The following CIPC variants were observed in gnomAD, a reference collection of about 807,000 sequenced individuals.
The protein encoded by CIPC is CLOCK interacting pacemaker, also known as CLOCK-interacting pacemaker.
A neutral mutation model predicts 26.7 loss-of-function variants in CIPC; 12 were observed. The observed-to-expected ratio is 0.45, with a 90% CI of 0.29 to 0.73. CIPC has a LOEUF of 0.73. CIPC is among the 30% of genes least tolerant of loss of function. The probability of loss-of-function intolerance (pLI) is 0.12; values close to 1 mark genes in which losing one functional copy is unlikely to be tolerated. For missense variants in CIPC, 417 were observed against 486.5 expected (o/e 0.86, Z 1.34); for synonymous variants, 170 against 189.8 (o/e 0.90, Z 0.86).
intron 1 of CIPC, among the ~76,000 whole-genome samples, chr14:77,103,534 C>T (rs1353258939): frequency 6.6e-6 from 1 of 152,208 alleles, no homozygotes; most frequent in African/African-American, 2.4e-5. Context: ...CTCCTTATGC[C>T]AGTGGTATTC....
At chr14:77,100,182 T>C (rs1214354832) in intron 1 of CIPC, among the ~76,000 whole-genome samples, 1 of 152,190 alleles carries the variant, frequency 6.6e-6, no homozygotes, top group Admixed American at 6.5e-5. Flanking sequence ...CTTGCTAGGA[T>C]TTTGAATTTT....
intron 3 of CIPC, among the ~76,000 whole-genome samples, chr14:77,112,569 G>T (rs1886725465): frequency 6.6e-6 from 1 of 152,112 alleles, no homozygotes; most frequent in South Asian, 2.1e-4. Flanking sequence ...TACACATAGT[G>T]GTAACCTATA....
intron 1 of CIPC, 25 bp from the exon 2 acceptor site, chr14:77,105,632 C>T (rs1470344527): frequency 3.3e-6 from 5 of 1,499,880 alleles, no homozygotes; most frequent in Non-Finnish European, 4.5e-6. Flanking sequence ...CAGGCAGTGA[C>T]TTCTTATATA....
intron 1 of CIPC, among the ~76,000 whole-genome samples, chr14:77,104,873 C>T (rs891643748): frequency 7.9e-5 from 12 of 152,212 alleles, no homozygotes; most frequent in African/African-American, 2.7e-4. Flanking sequence ...CCAGTCCTTG[C>T]ACAATGCCTG....
chr14:77,104,750 C>T (rs1197348211), intron 1 of CIPC, among the ~76,000 whole-genome samples: 1 of 152,230 alleles, frequency 6.6e-6, no homozygotes, highest in African/African-American at 2.4e-5. Flanking sequence ...CCATTTATAG[C>T]TCTTATCAAA....
At chr14:77,099,577 T>A (rs539666116) in intron 1 of CIPC, among the ~76,000 whole-genome samples, 196 of 152,302 alleles carry the variant, frequency 1.3e-3, no homozygotes, top group Admixed American at 2.4e-3. Context: ...CCTTATCACT[T>A]TATTGTATTT....
intron 3 of CIPC, among the ~76,000 whole-genome samples, chr14:77,112,990 G>A (rs1485471110): frequency 1.3e-5 from 2 of 152,128 alleles, no homozygotes; most frequent in Non-Finnish European, 2.9e-5. Flanking sequence ...GGGATTACAG[G>A]CATGAGCCAT....
rs117940666 is a variant in CIPC at position 77,100,317 on chromosome 14, C to A, written c.-53+1956C>A. Among the ~76,000 whole-genome samples, 11 of 144,380 alleles carry A rather than the reference C, an allele frequency of 7.6e-5. No individual in the cohort carries two copies. In the East Asian group the frequency reaches 2.1e-3, roughly 28 times the overall value. 94.7% of individuals were successfully genotyped at this position (144,380 alleles called of 152,430 possible). A position where few individuals can be genotyped will look rare whatever the true frequency, so the allele number is the denominator to read the frequency against. The stretch of plus-strand genomic sequence containing the variant: ...AGTGCAGAGGCACAATTTCGGCTTA[C>A]TACAATCTCTGCCTCCCAGGTTCAA... On this transcript the variant is annotated intron_variant, in intron 1 of 3. Transcript: ENST00000361786.
chr14:77,105,469 A>T (rs1269828778), intron 1 of CIPC, among the ~76,000 whole-genome samples, 188 bp from the exon 2 acceptor site: 1 of 152,238 alleles, frequency 6.6e-6, no homozygotes. Flanking sequence ...CAGCCAGAGG[A>T]CTGTGAATCT....
chr14:77,109,799 T>C lies in CIPC; in HGVS notation c.137-13T>C. The C allele has an allele frequency of 6.2e-7, 1 of 1,607,214 alleles. No homozygotes were observed. Among genetic ancestry groups the C allele is most frequent in the Non-Finnish European group, 8.5e-7 (1 of 1,174,776 alleles). On this transcript the variant is annotated splice_polypyrimidine_tract_variant and intron_variant, in intron 2 of 3. Coordinates refer to ENST00000361786, the MANE Select transcript of CIPC (RefSeq NM_033426.3). ...TAGAGCCTGAGTGAGTTGACCATTC[T>C]TCTGCCCACCAGATGGGAGCTCGGA...
At chr14:77,103,460 A>G (rs1479664794) in intron 1 of CIPC, among the ~76,000 whole-genome samples, 1 of 152,170 alleles carries the variant, frequency 6.6e-6, no homozygotes, top group Non-Finnish European at 1.5e-5. Context: ...GTGAATTAAA[A>G]CATCACAAGG....
chr14:77,111,888 G>A (rs1886708821), intron 3 of CIPC, among the ~76,000 whole-genome samples: 2 of 152,156 alleles, frequency 1.3e-5, no homozygotes, highest in South Asian at 4.1e-4. Context: ...TGACTGAGCT[G>A]GAACAGGCTG....
Position 77,105,699 on chromosome 14 carries a change from T to C in CIPC, c.-10T>C, listed in dbSNP as rs759899870. 6.2e-7 allele frequency: 1 copy of C among 1,612,268 alleles called. No homozygotes were observed. The highest frequency in any genetic ancestry group is 8.5e-7 in the Non-Finnish European group (1 of 1,179,312). On this transcript the variant is annotated 5_prime_UTR_variant, in exon 2 of 4. Coordinates refer to ENST00000361786, the MANE Select transcript of CIPC (RefSeq NM_033426.3). ...GAGTACCAATGAATCTGCCTCCAGC[T>C]GAATAAACCATGGAGAGGAAAAACC...
intron 2 of CIPC, among the ~76,000 whole-genome samples, chr14:77,108,126 G>T (rs759724267): frequency 6.6e-6 from 1 of 152,142 alleles, no homozygotes; most frequent in Non-Finnish European, 1.5e-5. Context: ...AGAATACTAT[G>T]TTGTTGATGT....
chr14:77,112,666 A>T (rs1392939915), intron 3 of CIPC, among the ~76,000 whole-genome samples: 2 of 149,622 alleles, frequency 1.3e-5, no homozygotes, highest in Non-Finnish European at 3.0e-5. Context: ...GAACCCATAG[A>T]CTCCTGACAA....
At chr14:77,101,873 T>C (rs970715477) in intron 1 of CIPC, among the ~76,000 whole-genome samples, 1 of 151,930 alleles carries the variant, frequency 6.6e-6, no homozygotes, top group African/African-American at 2.4e-5. Context: ...ATTGCTTGAG[T>C]CCAGGAGGTT....
rs1376646863 is a variant in CIPC, at chr14:77,105,745, AGAC to A, written c.38_40del (p.Arg13_Leu14delinsIle). 1 of 1,614,028 alleles carries A rather than the reference AGAC, an allele frequency of 6.2e-7. No individual in the cohort carries two copies. Among genetic ancestry groups the A allele is most frequent in the Non-Finnish European group, 8.5e-7 (1 of 1,179,972 alleles). ...AAACCCATCCAGAGAGAGCCCCAGAAGACTCTCTGCCAAAGTAGGCAAAGGCAC... is the reference window on the plus strand; with the variant it reads ...AAACCCATCCAGAGAGAGCCCCAGAATCTCTGCCAAAGTAGGCAAAGGCAC... On this transcript the variant is annotated inframe_deletion, in exon 2 of 4. Transcript: ENST00000361786.
At chr14:77,100,042 A>G (rs1186889622) in intron 1 of CIPC, 1 of 152,166 alleles carries the variant, frequency 6.6e-6, no homozygotes, top group African/African-American at 2.4e-5. Context: ...TACTCTATTG[A>G]ATGCCTCATG....
Position 77,113,594 on chromosome 14 carries a change from C to A in CIPC, c.476C>A (p.Ser159Tyr). 3.7e-6 allele frequency: 6 copies of A among 1,614,234 alleles called. No homozygotes were observed. The highest frequency in any genetic ancestry group is 5.1e-6 in the Non-Finnish European group (6 of 1,180,052). Residue 159 changes from serine to tyrosine, a missense_variant, in exon 4 of 4, where the codon TCT (serine) becomes TAT (tyrosine). Transcript: ENST00000361786. ...DSRNYLPILN[S>Y]YTKIAPHPGK... ...AGGAACTACTTGCCCATTCTGAATT[C>A]TTACACCAAAATAGCCCCACATCCA...
Sources: allele counts gnomAD v4.1 joint callset (sites outside exome capture counted in the v4.1 genomes callset), GRCh38; gene constraint gnomAD v4.1.1; transcripts MANE v1.5; gene names NCBI Gene and HGNC (gene_info 2026-07-23, HGNC 2026-07-21).